Variants in MYO1D observed in about 807,000 individuals in gnomAD.
MYO1D encodes myosin ID.
A neutral mutation model predicts 122.0 loss-of-function variants in MYO1D; 83 were observed. The observed-to-expected ratio is 0.68, with a 90% CI of 0.57 to 0.82. The LOEUF (loss-of-function observed/expected upper bound fraction) is 0.82. MYO1D is among the 40% of genes least tolerant of loss of function. The probability of loss-of-function intolerance (pLI) is 0.00; values close to 1 mark genes in which losing one functional copy is unlikely to be tolerated. For missense variants in MYO1D, 1,157 were observed against 1,269.5 expected (o/e 0.91, Z 1.35); for synonymous variants, 464 against 446.9 (o/e 1.04, Z -0.48).
intron 19 of MYO1D, among the ~76,000 whole-genome samples, chr17:32,649,361 T>C (rs973999895): frequency 2.0e-5 from 3 of 152,148 alleles, no homozygotes; most frequent in African/African-American, 7.2e-5. Context: ...CCCAGTCCTC[T>C]CTTTCCCCAA....
intron 1 of MYO1D, among the ~76,000 whole-genome samples, chr17:32,815,127 A>G (rs1260650242): frequency 2.0e-5 from 3 of 152,242 alleles, no homozygotes; most frequent in African/African-American, 7.2e-5. Context: ...TATGGATGGT[A>G]AAATACTGAA....
At chr17:32,683,153 A>T (rs2088947434) in intron 16 of MYO1D, among the ~76,000 whole-genome samples, 2 of 140,138 alleles carry the variant, frequency 1.4e-5, no homozygotes, top group African/African-American at 5.5e-5. Context: ...CATTCTTCTA[A>T]ATTTTTTTCA....
At chr17:32,738,516 G>A (rs2089735146) in intron 13 of MYO1D, 131 bp from the exon 14 acceptor site, 5 of 917,852 alleles carry the variant, frequency 5.4e-6, no homozygotes, top group East Asian at 3.1e-5. Context: ...AGGCCTAATT[G>A]GAATGATGAT....
intron 1 of MYO1D, among the ~76,000 whole-genome samples, chr17:32,826,425 G>A (rs1230120552): frequency 6.6e-6 from 1 of 152,168 alleles, no homozygotes; most frequent in Non-Finnish European, 1.5e-5. Context: ...TCTTACAGTA[G>A]CCAGCTTACT....
chr17:32,611,506 A>G (rs2087701853), intron 20 of MYO1D, among the ~76,000 whole-genome samples: 1 of 152,218 alleles, frequency 6.6e-6, no homozygotes, highest in African/African-American at 2.4e-5. Context: ...TAAGTTATCT[A>G]CACAGGAAAA....
intron 14 of MYO1D, among the ~76,000 whole-genome samples, chr17:32,736,334 T>A (rs894793099): frequency 6.6e-6 from 1 of 152,320 alleles, no homozygotes; most frequent in Admixed American, 6.5e-5. Context: ...CTTCCCAGCT[T>A]CCCTGACAAC....
chr17:32,811,224 C>A (rs917596918), intron 1 of MYO1D, among the ~76,000 whole-genome samples: 1 of 152,224 alleles, frequency 6.6e-6, no homozygotes, highest in African/African-American at 2.4e-5. Context: ...GGATGTCTCA[C>A]TAGGCATCCC....
chr17:32,582,116 C>T (rs1409335618), intron 21 of MYO1D, among the ~76,000 whole-genome samples: 3 of 151,802 alleles, frequency 2.0e-5, no homozygotes, highest in African/African-American at 4.8e-5. Context: ...GGTTTTACCA[C>T]GTTGCCCAGG....
chr17:32,717,605 A>T (rs1221563361), intron 15 of MYO1D, among the ~76,000 whole-genome samples: 3 of 152,208 alleles, frequency 2.0e-5, no homozygotes, highest in Non-Finnish European at 4.4e-5. Flanking sequence ...TATTTTACTC[A>T]CACTCTTGAA....
Position 32,738,240 on chromosome 17 carries a change from A to C in MYO1D, c.1746+13T>G. The C allele has an allele frequency of 1.3e-6, 2 of 1,575,688 alleles. No individual in the cohort carries two copies. Among genetic ancestry groups the C allele is most frequent in the Non-Finnish European group, 1.7e-6 (2 of 1,160,518 alleles). On this transcript the variant is annotated intron_variant, in intron 14 of 21. Coordinates refer to ENST00000318217, the MANE Select transcript of MYO1D (RefSeq NM_015194.3). ...ATGAGTTAAAATGGATATTTAGAAAAGAAAATAATTACCTTTGATGCAAGG... is the reference window on the plus strand; with the variant it reads ...ATGAGTTAAAATGGATATTTAGAAACGAAAATAATTACCTTTGATGCAAGG...
chr17:32,514,385 G>A (rs913988016), intron 21 of MYO1D, among the ~76,000 whole-genome samples: 12 of 152,060 alleles, frequency 7.9e-5, no homozygotes, highest in Non-Finnish European at 1.2e-4. Flanking sequence ...AAGCCACCGC[G>A]GATGCCCAAG....
intron 16 of MYO1D, among the ~76,000 whole-genome samples, chr17:32,690,268 C>G (rs543995767): frequency 6.6e-6 from 1 of 150,478 alleles, no homozygotes; most frequent in Non-Finnish European, 1.5e-5. Context: ...CTGCACCTCC[C>G]GGGCTCAAGC....
intron 18 of MYO1D, 26 bp downstream of exon 18, chr17:32,654,451 A>T: frequency 6.3e-7 from 1 of 1,574,874 alleles, no homozygotes; most frequent in Non-Finnish European, 8.6e-7. Flanking sequence ...GTAGAAGTAG[A>T]TTTCACTTTG....
intron 12 of MYO1D, among the ~76,000 whole-genome samples, chr17:32,745,954 G>T (rs1052832341): frequency 1.3e-5 from 2 of 152,152 alleles, no homozygotes; most frequent in African/African-American, 2.4e-5. Context: ...ATTCATTTTT[G>T]GGGTTATAAA....
chr17:32,724,514 G>C (rs1257067329), intron 14 of MYO1D, among the ~76,000 whole-genome samples: 1 of 152,208 alleles, frequency 6.6e-6, no homozygotes, highest in Admixed American at 6.5e-5. Context: ...CAGAATCCAG[G>C]AGAGGAAGAA....
chr17:32,705,580 G>T (rs576077216), intron 16 of MYO1D, among the ~76,000 whole-genome samples: 1 of 152,304 alleles, frequency 6.6e-6, no homozygotes, highest in East Asian at 1.9e-4. Flanking sequence ...TGTAATTCTT[G>T]ATACTGAGTA....
intron 18 of MYO1D, among the ~76,000 whole-genome samples, chr17:32,654,210 GA>G (rs2088439687): frequency 6.6e-6 from 1 of 152,182 alleles, no homozygotes; most frequent in African/African-American, 2.4e-5. Context: ...AATCGTCACT[GA>G]ATGATGTAAG....
At chr17:32,640,831 A>G (rs2088188709) in intron 19 of MYO1D, among the ~76,000 whole-genome samples, 1 of 152,044 alleles carries the variant, frequency 6.6e-6, no homozygotes, top group African/African-American at 2.4e-5. Context: ...TCCATGGACA[A>G]GTTGGTTTCA....
At chr17:32,560,808 C>A (rs1206673485) in intron 21 of MYO1D, among the ~76,000 whole-genome samples, 5 of 150,418 alleles carry the variant, frequency 3.3e-5, no homozygotes, top group Non-Finnish European at 5.9e-5. Flanking sequence ...TTAGTAGAGA[C>A]GGGGTTTCAT....
Sources: gnomAD v4.1 joint callset for allele counts (sites outside exome capture counted in the v4.1 genomes callset) on GRCh38, gnomAD v4.1.1 for gene constraint, MANE v1.5 for transcripts, NCBI Gene and HGNC (gene_info 2026-07-23, HGNC 2026-07-21) for gene names.